TMEM182: variants seen among roughly 807,000 people sequenced by gnomAD.
TMEM182 encodes the protein transmembrane protein 182.
In TMEM182, 20 loss-of-function variants were observed where a neutral mutation model predicts 26.8. That is an observed-to-expected ratio of 0.75 (90% confidence interval 0.53 to 1.09). The LOEUF is 1.09. TMEM182 is among the 50% of genes least tolerant of loss of function. The pLI, the probability that TMEM182 is intolerant of heterozygous loss-of-function variation, is 0.00. For synonymous variants in TMEM182, 109 were observed against 102.2 expected, an observed-to-expected ratio of 1.07 and a Z score of -0.40; for missense variants, 277 against 275.5, an observed-to-expected ratio of 1.01 and a Z score of -0.04.
At chr2:102,744,632 C>A (rs534185673) in intron 1 of TMEM182, among the ~76,000 whole-genome samples, 1 of 152,158 alleles carries the variant, frequency 6.6e-6, no homozygotes, top group East Asian at 1.9e-4. Context: ...TGTTATATAA[C>A]TAGGCTTGAT....
chr2:102,834,427 G>C, intron 3 of TMEM182: 1 of 985,334 alleles, frequency 1.0e-6, no homozygotes, highest in Middle Eastern at 5.2e-4. Context: ...AAGATGGGGG[G>C]ATGGAAGTGA....
intron 3 of TMEM182, among the ~76,000 whole-genome samples, chr2:102,839,451 A>ATATATATAT (rs1395822369): frequency 7.2e-6 from 1 of 139,206 alleles, no homozygotes; most frequent in Non-Finnish European, 1.5e-5. Flanking sequence ...GTTTTGCTAT[A>ATATATATAT]TATATATATA....
upstream of TMEM182, among the ~76,000 whole-genome samples, chr2:102,760,029 A>G (rs905768086): frequency 5.3e-5 from 8 of 152,214 alleles, no homozygotes; most frequent in African/African-American, 1.9e-4. Flanking sequence ...GGGCATGAAC[A>G]TTGTTGTGAG....
intron 3 of TMEM182, among the ~76,000 whole-genome samples, chr2:102,843,076 G>T (rs951058111): frequency 3.3e-5 from 5 of 152,206 alleles, no homozygotes; most frequent in Non-Finnish European, 7.3e-5. Flanking sequence ...ACATGAACAT[G>T]AACAGCAGGC....
chr2:102,758,372 C>T, upstream of TMEM182: 1 of 697,042 alleles, frequency 1.4e-6, no homozygotes, highest in East Asian at 2.7e-5. Context: ...CACTGAATGG[C>T]TGTTAAAATT....
chr2:102,757,079 G>T (rs536106977), upstream of TMEM182, among the ~76,000 whole-genome samples: 1 of 152,132 alleles, frequency 6.6e-6, no homozygotes, highest in African/African-American at 2.4e-5. Context: ...CAAAGTGCTG[G>T]GATTACAGGT....
At chr2:102,814,602 C>T in intron 4 of TMEM182, 146 bp from the exon 5 acceptor site, 1 of 671,190 alleles carries the variant, frequency 1.5e-6, no homozygotes, top group Non-Finnish European at 2.5e-6. Context: ...CTATAAAGTA[C>T]ATAATAAAAG....
chr2:102,773,980 AT>A (rs1223170742), intron 3 of TMEM182, among the ~76,000 whole-genome samples: 1 of 152,148 alleles, frequency 6.6e-6, no homozygotes, highest in East Asian at 1.9e-4. Context: ...AATTTTTTTA[AT>A]TTTAGATTTT....
At chr2:102,761,089 T>C (rs1274532022), upstream of TMEM182, among the ~76,000 whole-genome samples, 1 of 152,186 alleles carries the variant, frequency 6.6e-6, no homozygotes, top group Non-Finnish European at 1.5e-5. Flanking sequence ...CAGATTATTG[T>C]TGAGAATATA....
intron 4 of TMEM182, among the ~76,000 whole-genome samples, chr2:102,801,418 G>C (rs992770550): frequency 6.6e-6 from 1 of 152,184 alleles, no homozygotes; most frequent in African/African-American, 2.4e-5. Flanking sequence ...TCAGTGGCAT[G>C]AAAGCAAAGA....
At chr2:102,783,630 C>T (rs1178019566) in intron 3 of TMEM182, among the ~76,000 whole-genome samples, 3 of 152,146 alleles carry the variant, frequency 2.0e-5, no homozygotes, top group East Asian at 1.9e-4. Flanking sequence ...TAAACACCAA[C>T]GATCTGTTGG....
chr2:102,839,733 CTG>C (rs1467927383), intron 3 of TMEM182, among the ~76,000 whole-genome samples: 1 of 152,098 alleles, frequency 6.6e-6, no homozygotes, highest in Non-Finnish European at 1.5e-5. Context: ...AACTAGTCCT[CTG>C]TGAGAAGAGT....
At chr2:102,773,020 A>G (rs1429269994) in intron 3 of TMEM182, among the ~76,000 whole-genome samples, 5 of 152,086 alleles carry the variant, frequency 3.3e-5, no homozygotes, top group Admixed American at 2.6e-4. Context: ...TCATAGACAC[A>G]TGTTCATTAT....
intron 4 of TMEM182, among the ~76,000 whole-genome samples, chr2:102,806,421 G>A (rs1218062008): frequency 6.6e-6 from 1 of 152,114 alleles, no homozygotes; most frequent in East Asian, 1.9e-4. Flanking sequence ...TTTGTCATGG[G>A]ACTGTGGGGT....
At chr2:102,830,024 A>G (rs745819639) in intron 3 of TMEM182, among the ~76,000 whole-genome samples, 6 of 152,174 alleles carry the variant, frequency 3.9e-5, no homozygotes, top group Non-Finnish European at 7.4e-5. Flanking sequence ...CTTGTATACC[A>G]TTAAGGGAAT....
chr2:102,830,562 G>A (rs1209609228), intron 3 of TMEM182, among the ~76,000 whole-genome samples: 1 of 151,904 alleles, frequency 6.6e-6, no homozygotes, highest in Non-Finnish European at 1.5e-5. Context: ...ATTTATTTCT[G>A]TGGGTACACA....
chr2:102,773,464 G>A (rs1029235935), intron 3 of TMEM182, among the ~76,000 whole-genome samples: 3 of 151,704 alleles, frequency 2.0e-5, no homozygotes, highest in Admixed American at 6.6e-5. Flanking sequence ...ATGAGAAGAA[G>A]GGTGTTCAAG....
At chr2:102,827,135 G>A (rs961396686) in intron 3 of TMEM182, among the ~76,000 whole-genome samples, 1 of 152,202 alleles carries the variant, frequency 6.6e-6, no homozygotes, top group Non-Finnish European at 1.5e-5. Context: ...CACAGATCAT[G>A]TTACAGTGCA....
Position 102,840,938 on chromosome 2 carries a change from G to T in TMEM182, c.326-2474G>T, listed in dbSNP as rs184799595. On this transcript the variant is annotated intron_variant, in intron 3 of 3. Transcript: ENST00000486293. ...TAGTGAAATATGCAACGACTCTGTT[G>T]TCTGCCGTTTATTTCTAAAACATTT... Among the ~76,000 whole-genome samples the T allele has an allele frequency of 1.1e-3, 160 of 152,306 alleles. 1 individual carries two copies. The highest frequency in any genetic ancestry group is 1.1e-3 in the Non-Finnish European group (78 of 68,030).
Sources: allele counts gnomAD v4.1 joint callset (sites outside exome capture counted in the v4.1 genomes callset), GRCh38; gene constraint gnomAD v4.1.1; transcripts MANE v1.5; gene names NCBI Gene and HGNC (gene_info 2026-07-23, HGNC 2026-07-21).